Variants in MBNL1 observed in about 807,000 individuals in gnomAD.
MBNL1 encodes muscleblind like splicing regulator 1.
MBNL1 carries 8 observed loss-of-function variants against 42.2 expected under a neutral mutation model. The observed-to-expected ratio is 0.19, with a 90% confidence interval of 0.11 to 0.34. The LOEUF is 0.34. Ranked by LOEUF, MBNL1 falls within the 10% of genes least tolerant of loss-of-function variation. The pLI, the probability that MBNL1 is intolerant of heterozygous loss-of-function variation, is 1.00. For missense variants in MBNL1, 309 were observed against 495.3 expected (o/e 0.62, Z 3.57); for synonymous variants, 169 against 173.9 (o/e 0.97, Z 0.22).
At chr3:152,427,163 C>T (rs572148343) in intron 3 of MBNL1, among the ~76,000 whole-genome samples, 2 of 152,316 alleles carry the variant, frequency 1.3e-5, no homozygotes, top group East Asian at 3.9e-4. Context: ...AATCCTCAAA[C>T]AGCCTGAGAG....
chr3:152,390,217 C>T (rs2153464998), intron 2 of MBNL1, among the ~76,000 whole-genome samples: 1 of 149,922 alleles, frequency 6.7e-6, no homozygotes, highest in South Asian at 2.1e-4. Flanking sequence ...ACAGATTGTA[C>T]ATCTGTACAA....
intron 3 of MBNL1, among the ~76,000 whole-genome samples, chr3:152,428,014 A>G (rs1043176548): frequency 3.9e-5 from 6 of 152,068 alleles, no homozygotes; most frequent in African/African-American, 1.4e-4. Flanking sequence ...ACATTACAGC[A>G]TGGTAACTAC....
intron 4 of MBNL1, among the ~76,000 whole-genome samples, chr3:152,436,990 T>C (rs2099087176): frequency 6.6e-6 from 1 of 152,248 alleles, no homozygotes; most frequent in African/African-American, 2.4e-5. Flanking sequence ...GAGGCTTATC[T>C]TTCTGCTCTG....
chr3:152,455,789 T>C (rs1481722963), intron 7 of MBNL1, among the ~76,000 whole-genome samples: 1 of 152,226 alleles, frequency 6.6e-6, no homozygotes, highest in African/African-American at 2.4e-5. Context: ...TCACCTTTGG[T>C]GGATTTTGAT....
chr3:152,288,122 C>A (rs1276106239), intron 1 of MBNL1, among the ~76,000 whole-genome samples: 1 of 152,218 alleles, frequency 6.6e-6, no homozygotes, highest in Non-Finnish European at 1.5e-5. Context: ...TGCTCACATT[C>A]TGCCAACCAA....
chr3:152,340,673 C>T (rs565712784), intron 2 of MBNL1: 8 of 1,613,996 alleles, frequency 5.0e-6, no homozygotes, highest in Middle Eastern at 1.7e-4. Flanking sequence ...ATCTTATTCG[C>T]ATAATACCTA....
At chr3:152,283,864 G>A (rs1280756527) in intron 1 of MBNL1, among the ~76,000 whole-genome samples, 1 of 152,148 alleles carries the variant, frequency 6.6e-6, no homozygotes, top group Non-Finnish European at 1.5e-5. Flanking sequence ...CTAACCAAAT[G>A]AAACTTGTCC....
rs369152994 is a variant in MBNL1 at position 152,356,570 on chromosome 3, A to G, written c.174+56203A>G. On this transcript the variant is annotated intron_variant, in intron 2 of 9. Coordinates refer to ENST00000324210, the MANE Select transcript of MBNL1 (RefSeq NM_021038.5). ...CTGCAGCCTCCACCTCCTGGAATCA[A>G]GTGATTCTTGTGTCTCAGTCTCCCT... is the stretch of plus-strand genomic sequence containing the variant. Among the ~76,000 whole-genome samples, 4 of 152,260 alleles carry G rather than the reference A, an allele frequency of 2.6e-5. No individual in the cohort carries two copies. In the East Asian group the frequency reaches 7.7e-4, roughly 29 times the overall value.
At chr3:152,416,007 T>C (rs554559407) in intron 3 of MBNL1, among the ~76,000 whole-genome samples, 2 of 152,352 alleles carry the variant, frequency 1.3e-5, no homozygotes, top group South Asian at 4.1e-4. Context: ...AGAATATATC[T>C]GTCAGTAATT....
intron 2 of MBNL1, among the ~76,000 whole-genome samples, chr3:152,355,754 A>G (rs1380068034): frequency 6.6e-6 from 1 of 152,212 alleles, no homozygotes; most frequent in East Asian, 1.9e-4. Flanking sequence ...TTACTGTACT[A>G]CTGAAGAGTC....
intron 2 of MBNL1, among the ~76,000 whole-genome samples, chr3:152,318,263 G>A (rs985326000): frequency 1.3e-4 from 20 of 152,132 alleles, no homozygotes; most frequent in Non-Finnish European, 2.8e-4. Context: ...GCAGTCTCAC[G>A]TTACAAGCAT....
At chr3:152,268,808 A>T (rs1442041703), upstream of MBNL1, 2 of 444,012 alleles carry the variant, frequency 4.5e-6, no homozygotes, top group Non-Finnish European at 9.0e-6. Flanking sequence ...CGCCGCGTGC[A>T]TTAGGAGCTC....
chr3:152,307,530 T>G (rs1379861523), intron 2 of MBNL1, among the ~76,000 whole-genome samples: 1 of 152,232 alleles, frequency 6.6e-6, no homozygotes, highest in East Asian at 1.9e-4. Context: ...GCTTTTCATT[T>G]TTTTCATAGT....
chr3:152,263,348 T>G (rs1437001425), upstream of MBNL1: 2 of 152,208 alleles, frequency 1.3e-5, no homozygotes, highest in Non-Finnish European at 2.9e-5. Context: ...ATATTCTACC[T>G]TCACTAATTT....
chr3:152,461,224 G>T (rs1211484267), intron 9 of MBNL1, among the ~76,000 whole-genome samples: 1 of 152,186 alleles, frequency 6.6e-6, no homozygotes, highest in Non-Finnish European at 1.5e-5. Context: ...ATTTAAGAAA[G>T]AAATGAGAGG....
intron 2 of MBNL1, among the ~76,000 whole-genome samples, chr3:152,389,592 G>A (rs776491685): frequency 6.6e-6 from 1 of 152,086 alleles, no homozygotes; most frequent in Non-Finnish European, 1.5e-5. Context: ...TGAATACCAA[G>A]GGCAATTGTA....
At chr3:152,446,888 G>C (rs1414201456) in intron 5 of MBNL1, 7 of 710,308 alleles carry the variant, frequency 9.9e-6, no homozygotes, top group Non-Finnish European at 1.5e-5. Flanking sequence ...AAAAAACTGA[G>C]TGTGGTTTCC....
At chr3:152,373,801 T>C (rs1442499271) in intron 2 of MBNL1, among the ~76,000 whole-genome samples, 1 of 152,192 alleles carries the variant, frequency 6.6e-6, no homozygotes, top group Non-Finnish European at 1.5e-5. Flanking sequence ...GTGATTAGGT[T>C]GTTTGGGAGA....
intron 2 of MBNL1, among the ~76,000 whole-genome samples, chr3:152,305,701 C>A (rs1463598247): frequency 1.3e-5 from 2 of 152,110 alleles, no homozygotes; most frequent in African/African-American, 2.4e-5. Context: ...GATAGAAATT[C>A]TGAGTTGTTT....
Sources: gnomAD v4.1 joint callset for allele counts (sites outside exome capture counted in the v4.1 genomes callset) on GRCh38, gnomAD v4.1.1 for gene constraint, MANE v1.5 for transcripts, NCBI Gene and HGNC (gene_info 2026-07-23, HGNC 2026-07-21) for gene names.